IL17RD: variants seen among roughly 807,000 people sequenced by gnomAD.
IL17RD encodes interleukin 17 receptor D.
A neutral mutation model predicts 80.5 loss-of-function variants in IL17RD; 52 were observed. That is an observed-to-expected ratio of 0.65 (90% CI 0.52 to 0.81). The LOEUF is 0.81. Among genes scored for constraint, IL17RD ranks in the 40% least tolerant of loss-of-function variants. The pLI, the probability that IL17RD is intolerant of heterozygous loss-of-function variation, is 0.00. For missense variants in IL17RD, 1,024 were observed against 955.1 expected, an observed-to-expected ratio of 1.07 and a Z score of -0.95; for synonymous variants, 416 against 391.8, an observed-to-expected ratio of 1.06 and a Z score of -0.73.
At chr3:57,154,064 AG>A (rs1393807111) in intron 1 of IL17RD, among the ~76,000 whole-genome samples, 1 of 151,750 alleles carries the variant, frequency 6.6e-6, no homozygotes, top group Admixed American at 6.6e-5. Context: ...TGAGTAACAC[AG>A]TGAAACTCTG....
At chr3:57,160,938 GT>G (rs1398734819) in intron 1 of IL17RD, among the ~76,000 whole-genome samples, 1 of 152,174 alleles carries the variant, frequency 6.6e-6, no homozygotes, top group African/African-American at 2.4e-5. Flanking sequence ...TGGAGAAAAA[GT>G]TAACTGCTGG....
In IL17RD at chr3:57,094,806, G is replaced by A. The variant is rs1319521499; in HGVS notation, c.*1587C>T. ...TCTCTGAGTTGCCTGTTGTTATGGGGAGGCAGTCTTGCAGCTCACTGTCTC... is the reference window on the plus strand; with the variant it reads ...TCTCTGAGTTGCCTGTTGTTATGGGAAGGCAGTCTTGCAGCTCACTGTCTC... On this transcript the variant is annotated 3_prime_UTR_variant, in exon 13 of 13. Coordinates refer to ENST00000296318, the MANE Select transcript of IL17RD (RefSeq NM_017563.5). The A allele has an allele frequency of 6.6e-6, 1 of 152,458 alleles. No homozygotes were observed. Among genetic ancestry groups the A allele is most frequent in the East Asian group, 1.9e-4 (1 of 5,196 alleles). 9.4% of individuals were successfully genotyped at this position (152,458 alleles called of 1,614,324 possible).
intron 1 of IL17RD, among the ~76,000 whole-genome samples, chr3:57,122,933 TG>T (rs1579285696): frequency 6.6e-6 from 1 of 152,020 alleles, no homozygotes; most frequent in Admixed American, 6.6e-5. Context: ...CTTTTTTTTT[TG>T]TTCCAGTTCC....
chr3:57,114,761 T>C lies in IL17RD; in HGVS notation c.241A>G (p.Ile81Val), dbSNP rs997928698. The stretch of plus-strand genomic sequence containing the variant: ...TGGCAAGCATACTGGCTGATGGTGA[T>C]ATTCTGGGCGTCAGCAATCACATGC... ...GKHVIADAQN[I>V]TISQYACHDQ... The change falls in exon 3 of 13, where the codon ATC becomes GTC. Residue 81 changes from isoleucine to valine, a missense_variant. Coordinates refer to ENST00000296318, the MANE Select transcript of IL17RD (RefSeq NM_017563.5). 1.9e-6 allele frequency: 3 copies of C among 1,612,386 alleles called. No homozygotes were observed.
chr3:57,102,014 TGAG>T (rs1399035391), intron 10 of IL17RD, among the ~76,000 whole-genome samples: 1 of 151,902 alleles, frequency 6.6e-6, no homozygotes, highest in Non-Finnish European at 1.5e-5. Flanking sequence ...AATCCCAGCA[TGAG>T]AGGGAGGCTG....
Position 57,101,210 on chromosome 3 carries a change from G to A in IL17RD, c.1133C>T (p.Ala378Val). ...QNHMNVVQCFAYFLQDFCGCE... is the reference protein window; with the variant it reads ...QNHMNVVQCFVYFLQDFCGCE... ...GCCACAGAAGTCCTGGAGGAAGTAG[G>A]CGAAACACTGGACGACATTCATGTG... The change falls in exon 11 of 13, where the codon GCC becomes GTC. Residue 378 changes from alanine (A) to valine (V), a missense_variant. Transcript: ENST00000296318. 1 of 1,613,710 alleles carries A rather than the reference G, an allele frequency of 6.2e-7. No individual in the cohort carries two copies. The highest frequency in any genetic ancestry group is 1.7e-5 in the Admixed American group (1 of 59,988).
In IL17RD at chr3:57,097,848, G is replaced by A; in HGVS notation, c.1855C>T (p.Gln619Ter). 1.2e-6 allele frequency: 2 copies of A among 1,613,182 alleles called. No individual in the cohort carries two copies. Among genetic ancestry groups the A allele is most frequent in the Non-Finnish European group, 1.7e-6 (2 of 1,179,590 alleles). Residue 619 changes from glutamine to a stop codon, truncating the protein, a stop_gained, in exon 12 of 13, where the codon CAG (glutamine) becomes TAG (stop). Transcript: ENST00000296318. LOFTEE classifies it high-confidence loss of function. ...VLGATGPADSQHESQHGGLDQ... is the reference protein window; with the variant it reads ...VLGATGPADS ...AGGCCCCCATGCTGACTCTCGTGCT[G>A]GGAGTCGGCTGGTCCGGTTGCCCCA...
At chr3:57,165,405 T>C (rs2107551730), upstream of IL17RD, 1 of 844,604 alleles carries the variant, frequency 1.2e-6, no homozygotes, top group East Asian at 5.2e-5. Context: ...GCACTGGGCA[T>C]GCGTTGCCAG....
Position 57,115,334 on chromosome 3 carries a change from G to GCTA in IL17RD, c.185-520_185-518dup, listed in dbSNP as rs372540472. 1.7e-3 allele frequency among the ~76,000 whole-genome samples: 260 copies of GCTA among 152,246 alleles called. 2 individuals carry two copies. The highest frequency in any genetic ancestry group is 6.1e-3 in the African/African-American group (255 of 41,540). ...AAGATTCTTAACCCAGTTAGCACAG[G>GCTA]CTACTAACTCAGTGACAAGTGATAA... is the stretch of plus-strand genomic sequence containing the variant. On this transcript the variant is annotated intron_variant, in intron 2 of 12. Coordinates refer to ENST00000296318, the MANE Select transcript of IL17RD (RefSeq NM_017563.5).
chr3:57,114,841 C>G, intron 2 of IL17RD, 24 bp from the exon 3 acceptor site: 5 of 1,512,592 alleles, frequency 3.3e-6, no homozygotes, highest in Non-Finnish European at 4.4e-6. Flanking sequence ...AGAATGAGAA[C>G]AGTTAAATTT....
At chr3:57,099,519 G>A (rs1706779913) in intron 11 of IL17RD, among the ~76,000 whole-genome samples, 1 of 152,300 alleles carries the variant, frequency 6.6e-6, no homozygotes, top group Non-Finnish European at 1.5e-5. Context: ...TTACAGGGAA[G>A]GGCATTCTGA....
intron 1 of IL17RD, 88 bp from the exon 2 acceptor site, chr3:57,120,401 CT>C (rs1259547286): frequency 2.3e-6 from 2 of 881,422 alleles, no homozygotes; most frequent in Non-Finnish European, 3.8e-6. Context: ...GCAAGCAGCA[CT>C]GCTGAGACCC....
Position 57,094,290 on chromosome 3 carries a change from C to T in IL17RD, c.*2103G>A, listed in dbSNP as rs994075911. ...TTCTGAGGCAATCACACTATGGTTT[C>T]ATTACTCGGTATATTAAGAGTTTGA... On this transcript the variant is annotated 3_prime_UTR_variant, in exon 13 of 13. Transcript: ENST00000296318. 2 of 152,202 alleles carry T rather than the reference C, an allele frequency of 1.3e-5. No homozygotes were observed. Among genetic ancestry groups the T allele is most frequent in the African/African-American group, 2.4e-5 (1 of 41,438 alleles). The allele number at this position is 152,202 out of a possible 1,614,324, so 9.4% of individuals were successfully genotyped here. A position where few individuals can be genotyped will look rare whatever the true frequency, so the allele number is the denominator to read the frequency against.
chr3:57,103,783 C>G (rs4681952), intron 8 of IL17RD, among the ~76,000 whole-genome samples: 25,079 of 152,040 alleles, frequency 0.16, 2,570 homozygotes, highest in South Asian at 0.32. Flanking sequence ...CAGCTCACTG[C>G]AACCTCCACC....
chr3:57,142,594 C>G (rs1308143711), intron 1 of IL17RD: 3 of 841,152 alleles, frequency 3.6e-6, no homozygotes, highest in Non-Finnish European at 5.1e-6. Flanking sequence ...GTGTTGGTGT[C>G]GCCAACCTGA....
At chr3:57,143,187 CTACCT>C (rs1707862997) in intron 1 of IL17RD, among the ~76,000 whole-genome samples, 1 of 152,170 alleles carries the variant, frequency 6.6e-6, no homozygotes, top group African/African-American at 2.4e-5. Flanking sequence ...AAAATTTGAC[CTACCT>C]TAAAGTGTGT....
At chr3:57,098,571 G>A (rs1706755906) in intron 11 of IL17RD, 33 bp from the exon 12 acceptor site, 1 of 1,425,822 alleles carries the variant, frequency 7.0e-7, no homozygotes, top group Non-Finnish European at 9.6e-7. Flanking sequence ...CACCCATACA[G>A]AAGGCTCGGG....
chr3:57,134,000 A>G (rs1205762108), intron 1 of IL17RD: 1 of 294,828 alleles, frequency 3.4e-6, no homozygotes, highest in East Asian at 6.9e-5. Context: ...TGAAGTTAGC[A>G]TGAAACAGAA....
chr3:57,146,712 T>C (rs1707937250), intron 1 of IL17RD, among the ~76,000 whole-genome samples: 1 of 133,818 alleles, frequency 7.5e-6, no homozygotes, highest in Admixed American at 8.2e-5. Flanking sequence ...ATTACGCCAC[T>C]GCACTCCAGC....
Sources: allele counts gnomAD v4.1 joint callset (sites outside exome capture counted in the v4.1 genomes callset), GRCh38; gene constraint gnomAD v4.1.1; transcripts MANE v1.5; gene names NCBI Gene and HGNC (gene_info 2026-07-23, HGNC 2026-07-21).